KIF24: variants seen among roughly 807,000 people sequenced by gnomAD.
KIF24 encodes the protein kinesin-like protein KIF24.
In KIF24, 81 loss-of-function variants were observed where a neutral mutation model predicts 118.9. The ratio of observed to expected loss-of-function variants is 0.68; its 90% CI spans 0.57 to 0.82. The LOEUF is 0.82. Among genes scored for constraint, KIF24 ranks in the 40% least tolerant of loss-of-function variants. The pLI is 0.00. For missense variants in KIF24, 1,560 were observed against 1,661.6 expected (o/e 0.94, Z 1.06); for synonymous variants, 599 against 610.0 (o/e 0.98, Z 0.27).
At chr9:34,308,132 C>A (rs1837000892) in intron 2 of KIF24, among the ~76,000 whole-genome samples, 2 of 152,116 alleles carry the variant, frequency 1.3e-5, no homozygotes, top group African/African-American at 2.4e-5. Context: ...TCATGTCTGG[C>A]TAATTTTTGT....
chr9:34,255,365 G>A (rs1192739264), intron 11 of KIF24, among the ~76,000 whole-genome samples, 200 bp from the exon 12 acceptor site: 2 of 152,064 alleles, frequency 1.3e-5, no homozygotes, highest in African/African-American at 4.8e-5. Flanking sequence ...GAGTACCAAC[G>A]AGATACAGGG....
intron 6 of KIF24, among the ~76,000 whole-genome samples, chr9:34,272,782 C>G (rs767498882): frequency 6.6e-6 from 1 of 152,106 alleles, no homozygotes; most frequent in Non-Finnish European, 1.5e-5. Flanking sequence ...ATCGCCACAC[C>G]TGGCTAATTT....
chr9:34,276,577 T>C (rs1185242967), intron 6 of KIF24, among the ~76,000 whole-genome samples: 2 of 152,214 alleles, frequency 1.3e-5, no homozygotes, highest in African/African-American at 4.8e-5. Flanking sequence ...TAGTAGTGGT[T>C]GCTTTTTAGA....
At position 34,307,417 on chromosome 9, in the gene KIF24, A is replaced by G. The variant is rs1836967424; in HGVS notation, c.624-976T>C. Among the ~76,000 whole-genome samples the G allele has an allele frequency of 2.0e-5, 3 of 151,740 alleles. 1 individual carries two copies. The highest frequency in any genetic ancestry group is 2.9e-5 in the Non-Finnish European group (2 of 67,958). Reference sequence around the variant, plus strand: ...GAATTGGTTTAAAAAAAAAAAAACCAGCAAATAATTTTCTAATATAATGAA... The same window carrying G: ...GAATTGGTTTAAAAAAAAAAAAACCGGCAAATAATTTTCTAATATAATGAA... On this transcript the variant is annotated intron_variant, in intron 2 of 12. Transcript: ENST00000402558.
At chr9:34,298,780 G>C (rs1836582380) in intron 3 of KIF24, among the ~76,000 whole-genome samples, 2 of 152,152 alleles carry the variant, frequency 1.3e-5, no homozygotes, top group African/African-American at 4.8e-5. Flanking sequence ...TAATTCAGTG[G>C]TGAGGTAAAA....
At chr9:34,294,673 A>G (rs1300893608) in intron 4 of KIF24, among the ~76,000 whole-genome samples, 1 of 152,256 alleles carries the variant, frequency 6.6e-6, no homozygotes, top group Non-Finnish European at 1.5e-5. Flanking sequence ...ATTACTCAGC[A>G]ATGAAAACCA....
intron 6 of KIF24, among the ~76,000 whole-genome samples, chr9:34,285,851 G>A (rs1230748990): frequency 6.7e-6 from 1 of 149,712 alleles, no homozygotes; most frequent in African/African-American, 2.5e-5. Context: ...CTACTTGGGA[G>A]GCTGAAGTGG....
intron 3 of KIF24, among the ~76,000 whole-genome samples, chr9:34,304,158 T>C (rs2131797188): frequency 6.6e-6 from 1 of 152,310 alleles, no homozygotes; most frequent in Middle Eastern, 3.4e-3. Context: ...CTAAATATGT[T>C]TAAAAATAAA....
Position 34,290,268 on chromosome 9 carries a change from C to G in KIF24, c.1033G>C (p.Glu345Gln). Residue 345 changes from glutamate to glutamine, a missense_variant, in exon 5 of 13, where the codon GAA (glutamate) becomes CAA (glutamine). By Grantham distance (29) the Glu-to-Gln change is conservative (BLOSUM62 2). This residue lies in a region of KIF24 where 964 missense variants were observed against 988.0 expected (regional missense o/e 0.98). Transcript: ENST00000402558. ...LAAKDIFRQL[E>Q]VSQPRKHLFV... ...AGGTGCTTTCTTGGCTGGGACACTT[C>G]TAGTTGCCTGAAGATATCTTTGGCA... The G allele has an allele frequency of 1.2e-6, 2 of 1,613,934 alleles. No homozygotes were observed. The highest frequency in any genetic ancestry group is 1.7e-4 in the Middle Eastern group (1 of 6,060).
intron 7 of KIF24, 41 bp downstream of exon 7, chr9:34,271,768 G>A: frequency 6.2e-7 from 1 of 1,605,924 alleles, no homozygotes; most frequent in South Asian, 1.1e-5. Flanking sequence ...TCACATTAAA[G>A]GAAAGGCAGA....
intron 4 of KIF24, among the ~76,000 whole-genome samples, chr9:34,293,900 C>T (rs992587188): frequency 6.6e-6 from 1 of 152,204 alleles, no homozygotes; most frequent in African/African-American, 2.4e-5. Context: ...GCAGATATTG[C>T]AGAACTACAA....
At chr9:34,326,910 CAG>C (rs1837688217) in intron 1 of KIF24, among the ~76,000 whole-genome samples, 1 of 151,252 alleles carries the variant, frequency 6.6e-6, no homozygotes, top group South Asian at 2.1e-4. Context: ...AAAGTGGAAA[CAG>C]GGAGATCATT....
rs1022403602 is a variant in KIF24, at chr9:34,317,358, C to A, written c.-25-5987G>T. Among the ~76,000 whole-genome samples the A allele has an allele frequency of 3.4e-4, 52 of 151,818 alleles. 1 individual carries two copies. Among genetic ancestry groups the A allele is most frequent in the Admixed American group, 2.6e-3 (39 of 15,218 alleles). ...TGAGCCAAGATCACGCCACTGCACT[C>A]CAGCCTGGGCGACAGAAGGAGACTG... On this transcript the variant is annotated intron_variant, in intron 1 of 12. Transcript: ENST00000402558.
At chr9:34,300,850 C>CAAAAAA (rs57919845) in intron 3 of KIF24, among the ~76,000 whole-genome samples, 8 of 105,620 alleles carry the variant, frequency 7.6e-5, no homozygotes, top group East Asian at 2.8e-4. Context: ...CGGCATTTCT[C>CAAAAAA]AAAAAAAAAA....
chr9:34,256,933 A>G lies in KIF24; in HGVS notation c.2674T>C (p.Trp892Arg). 6.2e-7 allele frequency: 1 copy of G among 1,613,930 alleles called. No individual in the cohort carries two copies. ...TTTATGGGGTCCCTGGAGTCCACCC[A>G]GCTTTTAGTTAGATCTTTCTTGTCA... is the stretch of plus-strand genomic sequence containing the variant. ...TGDKKDLTKS[W>R]VDSRDPINHR... Residue 892 changes from tryptophan (W) to arginine (R), a missense_variant, in exon 11 of 13, where the codon TGG becomes CGG. Transcript: ENST00000402558.
At position 34,256,420 on chromosome 9, in the gene KIF24, C is replaced by T. The variant is rs746963417; in HGVS notation, c.3187G>A (p.Glu1063Lys). 2.5e-6 allele frequency: 4 copies of T among 1,613,798 alleles called. No homozygotes were observed. Among genetic ancestry groups the T allele is most frequent in the East Asian group, 2.2e-5 (1 of 44,888 alleles). Residue 1063 changes from glutamate (E) to lysine (K), a missense_variant, in exon 11 of 13, where the codon GAA (glutamate) becomes AAA (lysine). By Grantham distance (56) the Glu-to-Lys change is moderately conservative. Transcript: ENST00000402558. Reference protein sequence around the residue: ...TMSLLENPDNEGSPPSEQLVQ... With the variant: ...TMSLLENPDNKGSPPSEQLVQ... ...AGCTGCTCCGAGGGAGGAGACCCTT[C>T]GTTGTCTGGGTTCTCCAGGAGGGAC...
intron 1 of KIF24, chr9:34,319,260 C>A: frequency 3.3e-6 from 4 of 1,216,652 alleles, no homozygotes; most frequent in South Asian, 2.4e-5. Context: ...AGCTGGTAAC[C>A]AAAGAGCAGC....
rs1034791923 is a variant in KIF24 at position 34,266,416 on chromosome 9, T to G, written c.1443+2841A>C. Among the ~76,000 whole-genome samples, 11 of 152,202 alleles carry G rather than the reference T, an allele frequency of 7.2e-5. No individual in the cohort carries two copies. In the East Asian group the frequency reaches 2.1e-3, roughly 29 times the overall value. Reference sequence around the variant, plus strand: ...AGGCTCAACCAGGCGCGGTGGCTCATGCCTGTAATCCCAGCACTTTGGAAG... The same window carrying G: ...AGGCTCAACCAGGCGCGGTGGCTCAGGCCTGTAATCCCAGCACTTTGGAAG... On this transcript the variant is annotated intron_variant, in intron 8 of 12. Transcript: ENST00000402558.
intron 6 of KIF24, among the ~76,000 whole-genome samples, chr9:34,284,922 T>C (rs1265340373): frequency 6.6e-6 from 1 of 152,164 alleles, no homozygotes; most frequent in Non-Finnish European, 1.5e-5. Context: ...AAAAAAAGGC[T>C]CCAAACAATC....
Sources: allele counts gnomAD v4.1 joint callset (sites outside exome capture counted in the v4.1 genomes callset), GRCh38; gene constraint gnomAD v4.1.1; regional missense constraint gnomAD v4.1.1; transcripts MANE v1.5; gene names NCBI Gene and HGNC (gene_info 2026-07-23, HGNC 2026-07-21).